Variants in NTAQ1 observed in about 807,000 individuals in gnomAD.
NTAQ1 encodes protein N-terminal glutamine amidohydrolase.
NTAQ1 carries 21 observed loss-of-function variants against 28.2 expected under a neutral mutation model. That is an observed-to-expected ratio of 0.74 (90% CI 0.53 to 1.07). NTAQ1 has a LOEUF of 1.07. Ranked by LOEUF, NTAQ1 falls within the 50% of genes least tolerant of loss-of-function variation. The pLI, the probability that NTAQ1 is intolerant of heterozygous loss-of-function variation, is 0.00. For synonymous variants in NTAQ1, 105 were observed against 90.0 expected (o/e 1.17, Z -0.94); for missense variants, 264 against 256.6 (o/e 1.03, Z -0.20).
exon 7 of NTAQ1, among the ~76,000 whole-genome samples, chr8:123,468,265 A>G (rs1013452580): frequency 1.3e-5 from 2 of 152,210 alleles, no homozygotes; most frequent in Non-Finnish European, 2.9e-5. Context: ...TCACTATCTT[A>G]AAGTGTACAG....
chr8:123,457,907 G>T (rs1815694801), intron 6 of NTAQ1, among the ~76,000 whole-genome samples: 1 of 151,926 alleles, frequency 6.6e-6, no homozygotes, highest in Non-Finnish European at 1.5e-5. Context: ...GGTGTCATGT[G>T]CCTGTAGTCA....
At chr8:123,455,446 A>C (rs918201170) in intron 6 of NTAQ1, among the ~76,000 whole-genome samples, 4 of 87,548 alleles carry the variant, frequency 4.6e-5, no homozygotes, top group African/African-American at 2.1e-4. Flanking sequence ...TTTTTTTTTG[A>C]GACGGAGTCT....
intron 1 of NTAQ1, among the ~76,000 whole-genome samples, chr8:123,418,455 A>AT (rs1259413644): frequency 2.6e-5 from 4 of 151,974 alleles, no homozygotes; most frequent in South Asian, 4.2e-4. Flanking sequence ...CTCAAAAAAA[A>AT]AAAAAAAATA....
Position 123,436,458 on chromosome 8 carries a change from C to T in NTAQ1, c.240C>T (p.Tyr80=). ...RPGDGPVIWD[Y]HVVLLHVSSG... ...TCAGCAACTTTTACTTTTAGGATTA[C>T]CATGTTGTTTTGCTTCATGTTTCAA... Residue 80 remains tyrosine (Y), a synonymous_variant, in exon 4 of 6, where the codon TAC becomes TAT. Coordinates refer to ENST00000287387, the MANE Select transcript of NTAQ1 (RefSeq NM_018024.3). The T allele has an allele frequency of 6.2e-7, 1 of 1,612,040 alleles. No homozygotes were observed. The highest frequency in any genetic ancestry group is 8.5e-7 in the Non-Finnish European group (1 of 1,179,328).
chr8:123,419,202 C>G (rs1191581677), intron 1 of NTAQ1, among the ~76,000 whole-genome samples: 1 of 151,128 alleles, frequency 6.6e-6, no homozygotes, highest in African/African-American at 2.4e-5. Flanking sequence ...AGGCTCAAGC[C>G]ATTCTTCTGC....
In NTAQ1 at chr8:123,416,841, T is replaced by C. The variant is rs1484163466; in HGVS notation, c.-9T>C. The stretch of plus-strand genomic sequence containing the variant: ...CCTCCGGCCCGGGCCCTGGCCCAGC[T>C]AGCCGGCCATGGAAGGTAATGGCCC... On this transcript the variant is annotated 5_prime_UTR_variant, in exon 1 of 6. Transcript: ENST00000287387. 1 of 1,526,712 alleles carries C rather than the reference T, an allele frequency of 6.6e-7. No homozygotes were observed. Among genetic ancestry groups the C allele is most frequent in the South Asian group, 1.2e-5 (1 of 81,564 alleles). The allele number at this position is 1,526,712 out of a possible 1,614,324, so 94.6% of individuals were successfully genotyped here.
chr8:123,463,096 TTC>T (rs952821792), intron 6 of NTAQ1, among the ~76,000 whole-genome samples: 1 of 152,204 alleles, frequency 6.6e-6, no homozygotes, highest in Non-Finnish European at 1.5e-5. Flanking sequence ...CACTTTTTCT[TTC>T]TCTCTTTCTC....
At chr8:123,435,827 A>C (rs987954254) in intron 3 of NTAQ1, among the ~76,000 whole-genome samples, 3 of 151,184 alleles carry the variant, frequency 2.0e-5, no homozygotes, top group Admixed American at 6.6e-5. Context: ...AGATTATGCC[A>C]CTGCACGCCA....
chr8:123,425,462 A>AC lies in NTAQ1; in HGVS notation c.84-2455dup, dbSNP rs1296859923. ...AGTCAGTAGCAGTAGCAATCTTCCC[A>AC]CCCCCCCACTTTTTTTTTTTTTTAA... is the stretch of plus-strand genomic sequence containing the variant. On this transcript the variant is annotated intron_variant, in intron 1 of 5. Coordinates refer to ENST00000287387, the MANE Select transcript of NTAQ1 (RefSeq NM_018024.3). 2.3e-4 allele frequency among the ~76,000 whole-genome samples: 31 copies of AC among 137,450 alleles called. No individual in the cohort carries two copies. In the South Asian group the frequency reaches 3.5e-3, roughly 16 times the overall value. 90.2% of individuals were successfully genotyped at this position (137,450 alleles called of 152,430 possible).
At chr8:123,453,133 A>T (rs907463886) in intron 6 of NTAQ1, among the ~76,000 whole-genome samples, 1 of 152,194 alleles carries the variant, frequency 6.6e-6, no homozygotes, top group Non-Finnish European at 1.5e-5. Context: ...CGGTTGAATC[A>T]GTTCCCACTC....
At position 123,440,146 on chromosome 8, in the gene NTAQ1, C is replaced by CTTTTTTTTT. The variant is rs577877415; in HGVS notation, c.509-1141_509-1133dup. Among the ~76,000 whole-genome samples, 12 of 56,542 alleles carry CTTTTTTTTT rather than the reference C, an allele frequency of 2.1e-4. 1 individual carries two copies. Among genetic ancestry groups the CTTTTTTTTT allele is most frequent in the African/African-American group, 8.3e-4 (11 of 13,254 alleles). 37.1% of individuals were successfully genotyped at this position (56,542 alleles called of 152,430 possible). On this transcript the variant is annotated intron_variant, in intron 5 of 5. Transcript: ENST00000287387. ...CCACCACGCTGGCCAGGATTAACTC[C>CTTTTTTTTT]TTTTTTTTTTTTTTTTTTTTTTTTT...
Position 123,442,171 on chromosome 8 carries a change from C to G in NTAQ1, c.*756C>G, listed in dbSNP as rs565517227. On this transcript the variant is annotated 3_prime_UTR_variant, in exon 6 of 6. Transcript: ENST00000287387. ...GTTATTTGGCTTTAATCATATCATT[C>G]CAAATGAAAGATATTTGGCATTACA... The G allele has an allele frequency of 6.6e-6, 1 of 152,256 alleles. No homozygotes were observed. The highest frequency in any genetic ancestry group is 1.9e-4 in the East Asian group (1 of 5,186). The allele number at this position is 152,256 out of a possible 1,614,324, so 9.4% of individuals were successfully genotyped here.
chr8:123,426,700 C>T (rs1586933909), intron 1 of NTAQ1, among the ~76,000 whole-genome samples: 1 of 152,106 alleles, frequency 6.6e-6, no homozygotes, highest in Admixed American at 6.6e-5. Context: ...GTGGCTCACT[C>T]TGTAATCCCA....
intron 6 of NTAQ1, among the ~76,000 whole-genome samples, chr8:123,459,208 T>C (rs1815745303): frequency 6.6e-6 from 1 of 151,532 alleles, no homozygotes; most frequent in African/African-American, 2.4e-5. Flanking sequence ...ATTATGCCAC[T>C]GCACTCCAGC....
intron 3 of NTAQ1, among the ~76,000 whole-genome samples, chr8:123,431,466 T>C (rs1166688585): frequency 6.6e-6 from 1 of 152,216 alleles, no homozygotes; most frequent in Non-Finnish European, 1.5e-5. Flanking sequence ...ATGTATCATT[T>C]GATTGGCTTC....
chr8:123,428,767 A>G (rs550888950), intron 2 of NTAQ1, among the ~76,000 whole-genome samples: 14 of 151,792 alleles, frequency 9.2e-5, no homozygotes, highest in Admixed American at 6.6e-4. Context: ...ATGGCCGGCT[A>G]ATTTTTGTAT....
downstream of NTAQ1, among the ~76,000 whole-genome samples, chr8:123,474,430 T>A (rs572201771): frequency 6.6e-6 from 1 of 152,302 alleles, no homozygotes. Context: ...CAAGAATACC[T>A]CAGAAGTAAT....
In NTAQ1 at chr8:123,429,983, A is replaced by C. The variant is rs1207437407; in HGVS notation, c.184A>C (p.Ile62Leu). The change falls in exon 3 of 6, where the codon ATA (isoleucine) becomes CTA (leucine). Residue 62 changes from isoleucine to leucine, a missense_variant and splice_region_variant. Coordinates refer to ENST00000287387, the MANE Select transcript of NTAQ1 (RefSeq NM_018024.3). The part of the protein sequence containing the change: ...AVFISNERKM[I>L]PIWKQQARPG... The stretch of plus-strand genomic sequence containing the variant: ...TTACGAAATGTATTGTATTTTGTAG[A>C]TACCTATCTGGAAACAACAGGCGAG... 2.2e-5 allele frequency: 35 copies of C among 1,610,570 alleles called. No homozygotes were observed. Among genetic ancestry groups the C allele is most frequent in the Non-Finnish European group, 2.8e-5 (33 of 1,178,008 alleles).
intron 3 of NTAQ1, among the ~76,000 whole-genome samples, chr8:123,434,359 G>A (rs1814576057): frequency 6.6e-6 from 1 of 152,178 alleles, no homozygotes; most frequent in African/African-American, 2.4e-5. Context: ...GGGCACAGTG[G>A]CTCACACCCA....
Sources: gnomAD v4.1 joint callset for allele counts (sites outside exome capture counted in the v4.1 genomes callset) on GRCh38, gnomAD v4.1.1 for gene constraint, MANE v1.5 for transcripts, NCBI Gene and HGNC (gene_info 2026-07-23, HGNC 2026-07-21) for gene names.